The following ENTPD1 variants were observed in gnomAD, a reference collection of about 807,000 sequenced individuals.
ENTPD1 encodes ATP diphosphohydrolase.
A neutral mutation model predicts 57.0 loss-of-function variants in ENTPD1; 33 were observed. The observed-to-expected ratio is 0.58, with a 90% CI of 0.44 to 0.77. ENTPD1 has a LOEUF of 0.77. Ranked by LOEUF, ENTPD1 falls within the 30% of genes least tolerant of loss-of-function variation. The pLI, the probability that ENTPD1 is intolerant of heterozygous loss-of-function variation, is 0.00. For synonymous variants in ENTPD1, 202 were observed against 218.8 expected, an observed-to-expected ratio of 0.92 and a Z score of 0.68; for missense variants, 501 against 603.4, an observed-to-expected ratio of 0.83 and a Z score of 1.78.
At chr10:95,754,754 A>G (rs989037188), upstream of ENTPD1, 1 of 152,374 alleles carries the variant, frequency 6.6e-6, no homozygotes, top group Admixed American at 6.5e-5. Flanking sequence ...GTTATCATAC[A>G]TGCAAAATCC....
intron 1 of ENTPD1, among the ~76,000 whole-genome samples, chr10:95,797,372 G>A (rs2098230796): frequency 6.6e-6 from 1 of 152,116 alleles, no homozygotes; most frequent in African/African-American, 2.4e-5. Context: ...ACAGATCAGG[G>A]AATCACGGCC....
intron 7 of ENTPD1, among the ~76,000 whole-genome samples, chr10:95,855,780 C>A (rs11188509): frequency 0.27 from 40,902 of 152,090 alleles, 6,353 homozygotes; most frequent in Admixed American, 0.38. Context: ...TCTCTTCTGG[C>A]TTATAGAGTT....
chr10:95,856,830 A>G (rs2098455880), intron 7 of ENTPD1, among the ~76,000 whole-genome samples: 1 of 150,600 alleles, frequency 6.6e-6, no homozygotes, highest in African/African-American at 2.4e-5. Flanking sequence ...GGTTATATAT[A>G]TACATATACA....
chr10:95,760,257 G>A (rs921358740), intron 1 of ENTPD1, among the ~76,000 whole-genome samples: 4 of 152,204 alleles, frequency 2.6e-5, no homozygotes, highest in Non-Finnish European at 5.9e-5. Flanking sequence ...CTTCTCAAAG[G>A]ATAGGACACT....
At chr10:95,771,286 A>G (rs1277284564) in intron 1 of ENTPD1, among the ~76,000 whole-genome samples, 2 of 152,226 alleles carry the variant, frequency 1.3e-5, no homozygotes, top group East Asian at 3.8e-4. Flanking sequence ...ATTATTTTTC[A>G]AAAACATTTG....
rs1252679390 is a variant in ENTPD1, at chr10:95,869,233, A to G, written c.*2850A>G. On this transcript the variant is annotated 3_prime_UTR_variant, in exon 10 of 10. Coordinates refer to ENST00000371205, the MANE Select transcript of ENTPD1 (RefSeq NM_001776.6). ...ATAGGGGAGAAAAAAGATCAGCAGA[A>G]GTCATTACTTTTTTTTTTTTTTTTT... 3.6e-6 allele frequency: 3 copies of G among 842,192 alleles called. No homozygotes were observed. Among genetic ancestry groups the G allele is most frequent in the Non-Finnish European group, 4.3e-6 (3 of 705,484 alleles). The allele number at this position is 842,192 out of a possible 1,614,324, so 52.2% of individuals were successfully genotyped here.
At chr10:95,865,072 G>T (rs1480670848) in intron 9 of ENTPD1, among the ~76,000 whole-genome samples, 1 of 152,172 alleles carries the variant, frequency 6.6e-6, no homozygotes, top group Non-Finnish European at 1.5e-5. Flanking sequence ...ACAGCTACTT[G>T]CATTTTCAGT....
chr10:95,697,393 G>A, the ENTPD1 span, among the ~76,000 whole-genome samples: 2 of 152,114 alleles, frequency 1.3e-5, no homozygotes, highest in African/African-American at 2.4e-5. Context: ...GAAGAGAGAG[G>A]CCCCACACGT....
chr10:95,803,358 C>T (rs549144473), intron 1 of ENTPD1, among the ~76,000 whole-genome samples: 32 of 152,350 alleles, frequency 2.1e-4, no homozygotes, highest in African/African-American at 7.0e-4. Flanking sequence ...TCCACAGCCT[C>T]GTCAGCATCT....
At chr10:95,826,012 C>G (rs190696605) in intron 2 of ENTPD1, among the ~76,000 whole-genome samples, 56 of 152,194 alleles carry the variant, frequency 3.7e-4, no homozygotes, top group African/African-American at 1.3e-3. Context: ...CAGAGTAAGA[C>G]TCTGTCTCAA....
At chr10:95,710,745 A>G (rs1181610284), upstream of ENTPD1, among the ~76,000 whole-genome samples, 1 of 151,956 alleles carries the variant, frequency 6.6e-6, no homozygotes, top group Non-Finnish European at 1.5e-5. Context: ...TCCTCATTTC[A>G]TCCCTTGGAG....
chr10:95,849,391 C>T (rs567626460), intron 7 of ENTPD1, among the ~76,000 whole-genome samples: 42 of 152,358 alleles, frequency 2.8e-4, no homozygotes, highest in Non-Finnish European at 2.9e-4. Flanking sequence ...TGCCTGCCTT[C>T]ATGCTTTCTC....
intron 1 of ENTPD1, among the ~76,000 whole-genome samples, chr10:95,812,741 C>T (rs963583324): frequency 4.6e-5 from 7 of 152,186 alleles, no homozygotes; most frequent in Admixed American, 3.9e-4. Flanking sequence ...TGCATTCTTA[C>T]CAACATTTCA....
chr10:95,839,343 T>C (rs1337563503), intron 2 of ENTPD1: 2 of 330,332 alleles, frequency 6.1e-6, no homozygotes, highest in African/African-American at 4.3e-5. Context: ...TATAGATTAA[T>C]GGCTTTCTAT....
intron 7 of ENTPD1, among the ~76,000 whole-genome samples, chr10:95,853,040 A>G (rs1033752034): frequency 4.6e-5 from 7 of 152,168 alleles, no homozygotes; most frequent in Admixed American, 2.0e-4. Flanking sequence ...CATTTTCATG[A>G]CATTGATTCT....
At chr10:95,794,104 T>C (rs560350806) in intron 1 of ENTPD1, among the ~76,000 whole-genome samples, 42 of 152,352 alleles carry the variant, frequency 2.8e-4, no homozygotes, top group African/African-American at 9.9e-4. Context: ...ACATGTCCAA[T>C]AGGTTCTAGT....
chr10:95,844,682 GC>G, intron 5 of ENTPD1, 47 bp downstream of exon 5: 1 of 1,610,660 alleles, frequency 6.2e-7, no homozygotes, highest in Non-Finnish European at 8.5e-7. Context: ...GGAGGCCAAT[GC>G]CATTGCTATC....
At chr10:95,741,959 TG>T (rs2098000790) in intron 1 of ENTPD1, among the ~76,000 whole-genome samples, 1 of 152,188 alleles carries the variant, frequency 6.6e-6, no homozygotes, top group African/African-American at 2.4e-5. Flanking sequence ...CTCAAAGATT[TG>T]TCACCCCTGG....
chr10:95,786,256 G>A (rs553730628), intron 1 of ENTPD1, among the ~76,000 whole-genome samples: 2 of 152,266 alleles, frequency 1.3e-5, no homozygotes, highest in Non-Finnish European at 2.9e-5. Context: ...CCAGGTTTTG[G>A]TGAGAAGGAC....
Sources: gnomAD v4.1 joint callset for allele counts (sites outside exome capture counted in the v4.1 genomes callset) on GRCh38, gnomAD v4.1.1 for gene constraint, MANE v1.5 for transcripts, NCBI Gene and HGNC (gene_info 2026-07-23, HGNC 2026-07-21) for gene names.